MRTFA: variants seen among roughly 807,000 people sequenced by gnomAD.
MRTFA encodes myocardin related transcription factor A.
Under a neutral mutation model 83.5 loss-of-function variants are expected in MRTFA, and 20 were observed. The ratio of observed to expected loss-of-function variants is 0.24; its 90% CI spans 0.17 to 0.35. The LOEUF is 0.35. Ranked by LOEUF, MRTFA falls within the 10% of genes least tolerant of loss-of-function variation. The pLI, the probability that MRTFA is intolerant of heterozygous loss-of-function variation, is 1.00. For missense variants in MRTFA, 1,200 were observed against 1,224.7 expected, an observed-to-expected ratio of 0.98 and a Z score of 0.30; for synonymous variants, 659 against 541.2, an observed-to-expected ratio of 1.22 and a Z score of -3.02.
chr22:40,587,286 CA>C, intron 2 of MRTFA: 1 of 486,346 alleles, frequency 2.1e-6, no homozygotes, highest in Non-Finnish European at 4.1e-6. Flanking sequence ...ACATGCCCAT[CA>C]GGAGCAAGTT....
At chr22:40,568,523 T>G (rs961403214) in intron 2 of MRTFA, among the ~76,000 whole-genome samples, 2 of 152,226 alleles carry the variant, frequency 1.3e-5, no homozygotes, top group Non-Finnish European at 2.9e-5. Flanking sequence ...GTATTACTCT[T>G]AGCCAATTAA....
At chr22:40,466,801 T>A (rs1306605336) in intron 3 of MRTFA, among the ~76,000 whole-genome samples, 1 of 152,178 alleles carries the variant, frequency 6.6e-6, no homozygotes, top group East Asian at 1.9e-4. Context: ...GGATATTACA[T>A]AAACTTCTTG....
intron 9 of MRTFA, among the ~76,000 whole-genome samples, chr22:40,422,473 G>T (rs1036772335): frequency 5.9e-5 from 9 of 152,252 alleles, no homozygotes; most frequent in African/African-American, 2.2e-4. Flanking sequence ...AGTGAGAAGA[G>T]AATGCAGGTG....
chr22:40,440,151 CAAAAAAAAAA>C (rs376161982), intron 4 of MRTFA, among the ~76,000 whole-genome samples: 1 of 70,796 alleles, frequency 1.4e-5, no homozygotes. Flanking sequence ...GACTCCGTCT[CAAAAAAAAAA>C]AAAAAAAAAA....
intron 3 of MRTFA, chr22:40,522,688 G>A (rs964615959): frequency 1.3e-5 from 2 of 152,220 alleles, no homozygotes; most frequent in Admixed American, 6.5e-5. Flanking sequence ...ACCATGCCTT[G>A]CTAATTTTTG....
chr22:40,608,343 A>C (rs2056343743), intron 1 of MRTFA, among the ~76,000 whole-genome samples: 1 of 152,114 alleles, frequency 6.6e-6, no homozygotes, highest in South Asian at 2.1e-4. Flanking sequence ...TCCTAATTTT[A>C]CAGAGGAAAC....
At chr22:40,587,158 T>C in intron 2 of MRTFA, 5 of 460,888 alleles carry the variant, frequency 1.1e-5, no homozygotes, top group South Asian at 6.3e-5. Flanking sequence ...AAGGTCTGTA[T>C]TGATCATCTT....
intron 3 of MRTFA, among the ~76,000 whole-genome samples, chr22:40,515,532 A>C (rs904443987): frequency 1.3e-5 from 2 of 151,998 alleles, no homozygotes; most frequent in Non-Finnish European, 2.9e-5. Flanking sequence ...ATCTCTACTA[A>C]AAATACAAAA....
intron 1 of MRTFA, among the ~76,000 whole-genome samples, chr22:40,602,504 C>T (rs932000710): frequency 6.6e-6 from 1 of 152,036 alleles, no homozygotes; most frequent in Non-Finnish European, 1.5e-5. Flanking sequence ...CACAGCAGGG[C>T]TAGGACTTGT....
At chr22:40,421,772 C>T (rs930548564) in intron 9 of MRTFA, among the ~76,000 whole-genome samples, 1 of 152,024 alleles carries the variant, frequency 6.6e-6, no homozygotes, top group African/African-American at 2.4e-5. Context: ...CGCAGTTGGA[C>T]GAGGTGAGTT....
chr22:40,464,058 T>C (rs1737597816), intron 3 of MRTFA, among the ~76,000 whole-genome samples: 1 of 151,912 alleles, frequency 6.6e-6, no homozygotes, highest in Admixed American at 6.6e-5. Context: ...ATCCCAGCAC[T>C]TTGGAAGACC....
intron 2 of MRTFA, among the ~76,000 whole-genome samples, chr22:40,570,577 CAA>C (rs894548892): frequency 4.3e-5 from 1 of 23,152 alleles, no homozygotes; most frequent in African/African-American, 2.0e-4. Context: ...GACTCTGTCT[CAA>C]AAAAAAAAAA....
chr22:40,444,716 G>A (rs2053343533), intron 4 of MRTFA, among the ~76,000 whole-genome samples: 1 of 152,020 alleles, frequency 6.6e-6, no homozygotes, highest in Non-Finnish European at 1.5e-5. Context: ...GATATAATCA[G>A]AACTGCATGG....
chr22:40,497,439 T>G (rs1368262107), intron 3 of MRTFA, among the ~76,000 whole-genome samples: 1 of 152,180 alleles, frequency 6.6e-6, no homozygotes, highest in Non-Finnish European at 1.5e-5. Context: ...GCAGAGAGGC[T>G]GGTGAGGAAG....
chr22:40,581,588 G>A (rs529662340), intron 2 of MRTFA, among the ~76,000 whole-genome samples: 40 of 152,150 alleles, frequency 2.6e-4, no homozygotes, highest in African/African-American at 8.9e-4. Flanking sequence ...GTTTTATTAG[G>A]TATATGGGCT....
intron 1 of MRTFA, among the ~76,000 whole-genome samples, chr22:40,614,715 G>C (rs1210059544): frequency 8.5e-5 from 13 of 152,054 alleles, no homozygotes; most frequent in Admixed American, 8.5e-4. Context: ...TCAAACTCTC[G>C]ACCTCAGGTG....
At position 40,416,896 on chromosome 22, in the gene MRTFA, A is replaced by T; in HGVS notation, c.2578+90T>A. 8.1e-7 allele frequency: 1 copy of T among 1,240,500 alleles called. No homozygotes were observed. Among genetic ancestry groups the T allele is most frequent in the Non-Finnish European group, 1.1e-6 (1 of 872,906 alleles). The allele number at this position is 1,240,500 out of a possible 1,614,324, so 76.8% of individuals were successfully genotyped here. A position where few individuals can be genotyped will look rare whatever the true frequency, so the allele number is the denominator to read the frequency against. On this transcript the variant is annotated intron_variant, in intron 14 of 14. Transcript: ENST00000355630. The surrounding 1 kb of genome is among the most constrained non-coding windows in gnomAD (Gnocchi z 4.2). ...CTTGCCCAAGACTGGTCACGCACGGAAGCATTCAATAAAAACAAACCAACC... is the reference window on the plus strand; with the variant it reads ...CTTGCCCAAGACTGGTCACGCACGGTAGCATTCAATAAAAACAAACCAACC...
intron 4 of MRTFA, among the ~76,000 whole-genome samples, chr22:40,438,032 A>C (rs945726055): frequency 6.6e-5 from 10 of 152,188 alleles, no homozygotes; most frequent in African/African-American, 1.9e-4. Context: ...GCAGAGCTCT[A>C]AACTTTCATC....
Position 40,447,391 on chromosome 22 carries a change from A to G in MRTFA, c.308-11837T>C, listed in dbSNP as rs117445049. Reference sequence around the variant, plus strand: ...AAGAAAAAAAAAGTGACATTGGAGGAGAGATGTAAAAAAAGGGAGTGAGCC... The same window carrying G: ...AAGAAAAAAAAAGTGACATTGGAGGGGAGATGTAAAAAAAGGGAGTGAGCC... On this transcript the variant is annotated intron_variant, in intron 4 of 14. Coordinates refer to ENST00000355630, the MANE Select transcript of MRTFA (RefSeq NM_020831.6). Among the ~76,000 whole-genome samples the G allele has an allele frequency of 3.7e-3, 566 of 151,134 alleles. 1 individual carries two copies. The highest frequency in any genetic ancestry group is 6.0e-3 in the Non-Finnish European group (409 of 67,860).
Sources: gnomAD v4.1 joint callset for allele counts (sites outside exome capture counted in the v4.1 genomes callset) on GRCh38, gnomAD v4.1.1 for gene constraint, Gnocchi (gnomAD v3.1) non-coding constraint, MANE v1.5 for transcripts, NCBI Gene and HGNC (gene_info 2026-07-23, HGNC 2026-07-21) for gene names.